Variants in CERS3 observed in about 807,000 individuals in gnomAD.
CERS3 encodes the protein LAG1 homolog, ceramide synthase 3.
A neutral mutation model predicts 50.3 loss-of-function variants in CERS3; 33 were observed. That is an observed-to-expected ratio of 0.66 (90% CI 0.50 to 0.88). The LOEUF (loss-of-function observed/expected upper bound fraction) is 0.88. Among genes scored for constraint, CERS3 ranks in the 40% least tolerant of loss-of-function variants. The pLI, the probability that CERS3 is intolerant of heterozygous loss-of-function variation, is 0.00. For synonymous variants in CERS3, 176 were observed against 155.2 expected, an observed-to-expected ratio of 1.13 and a Z score of -0.99; for missense variants, 470 against 460.3, an observed-to-expected ratio of 1.02 and a Z score of -0.19.
intron 9 of CERS3, 135 bp from the exon 10 acceptor site, chr15:100,469,619 G>A: frequency 1.6e-6 from 1 of 620,066 alleles, no homozygotes; most frequent in South Asian, 2.1e-5. Context: ...TACAGGTGGG[G>A]CAATAGATAA....
intron 2 of CERS3, among the ~76,000 whole-genome samples, chr15:100,515,308 T>C (rs956225569): frequency 6.6e-6 from 1 of 152,204 alleles, no homozygotes; most frequent in Admixed American, 6.5e-5. Flanking sequence ...AAATACAAAG[T>C]GTACTCCCTT....
rs1023979736 is a variant in CERS3 at position 100,484,575 on chromosome 15, T to C, written c.382A>G (p.Arg128Gly). The change falls in exon 5 of 12, where the codon AGG becomes GGG. Residue 128 changes from arginine to glycine, a missense_variant. By Grantham distance (125) the Arg-to-Gly change is moderately radical (BLOSUM62 -2). Transcript: ENST00000679737. ...CAAGCTTCCTGGAATTTCTTCAGCC[T>C]GGAAGGCCTCTCTTGATTCCGCCGA... The part of the protein sequence containing the change: ...RSRRNQERPS[R>G]LKKFQEACWR... 6.2e-7 allele frequency: 1 copy of C among 1,613,750 alleles called. No homozygotes were observed. Among genetic ancestry groups the C allele is most frequent in the Non-Finnish European group, 8.5e-7 (1 of 1,179,628 alleles).
intron 2 of CERS3, among the ~76,000 whole-genome samples, chr15:100,506,962 A>T (rs200298850): frequency 6.6e-6 from 1 of 152,210 alleles, no homozygotes; most frequent in Non-Finnish European, 1.5e-5. Context: ...CCAAAAAAAT[A>T]AAAAAGTTAA....
chr15:100,402,700 T>C lies in CERS3; in HGVS notation c.*13A>G. 1.9e-6 allele frequency: 3 copies of C among 1,613,266 alleles called. No homozygotes were observed. Among genetic ancestry groups the C allele is most frequent in the Non-Finnish European group, 1.7e-6 (2 of 1,179,802 alleles). On this transcript the variant is annotated 3_prime_UTR_variant, in exon 12 of 12. Transcript: ENST00000679737. ...GCAGCATGCTGTGCCATGGGAGTCCTGTAGGCTTCCAGCTAATGGCCATGC... is the reference window on the plus strand; with the variant it reads ...GCAGCATGCTGTGCCATGGGAGTCCCGTAGGCTTCCAGCTAATGGCCATGC...
At chr15:100,521,483 A>G (rs1458000483) in intron 2 of CERS3, among the ~76,000 whole-genome samples, 184 bp downstream of exon 2, 1 of 152,216 alleles carries the variant, frequency 6.6e-6, no homozygotes, top group Non-Finnish European at 1.5e-5. Flanking sequence ...TCAAAAGGAA[A>G]GAATACAAAT....
At chr15:100,520,697 A>G (rs147610226) in intron 2 of CERS3, among the ~76,000 whole-genome samples, 71 of 152,332 alleles carry the variant, frequency 4.7e-4, no homozygotes, top group African/African-American at 1.5e-3. Flanking sequence ...TAAGGTGTAG[A>G]AAATGACAGG....
At chr15:100,418,103 G>A (rs1241685666) in intron 11 of CERS3, among the ~76,000 whole-genome samples, 1 of 151,012 alleles carries the variant, frequency 6.6e-6, no homozygotes, top group Middle Eastern at 3.4e-3. Flanking sequence ...CGAGCTGAGA[G>A]AAGAAGGCTT....
At chr15:100,488,988 G>A (rs184149564) in intron 4 of CERS3, among the ~76,000 whole-genome samples, 17 of 152,182 alleles carry the variant, frequency 1.1e-4, no homozygotes, top group African/African-American at 4.1e-4. Context: ...TGTTGGCCAG[G>A]ATGGTCTCGA....
At position 100,502,012 on chromosome 15, in the gene CERS3, C is replaced by A. The variant is rs1454538727; in HGVS notation, c.-1-162G>T. Among the ~76,000 whole-genome samples the A allele has an allele frequency of 6.6e-6, 1 of 151,770 alleles. No individual in the cohort carries two copies. The highest frequency in any genetic ancestry group is 1.5e-5 in the Non-Finnish European group (1 of 67,962). On this transcript the variant is annotated intron_variant, in intron 2 of 11. Transcript: ENST00000679737. Reference sequence around the variant, plus strand: ...CTGCAATATCAGCACTTTGGGAGACCAAGGCGGGCGGATCATGAGGTCAAG... The same window carrying A: ...CTGCAATATCAGCACTTTGGGAGACAAAGGCGGGCGGATCATGAGGTCAAG...
chr15:100,475,461 C>T (rs1567646084), intron 8 of CERS3, among the ~76,000 whole-genome samples: 1 of 152,210 alleles, frequency 6.6e-6, no homozygotes, highest in Non-Finnish European at 1.5e-5. Flanking sequence ...GAATTGCTTA[C>T]ATATACGACA....
At chr15:100,422,749 G>A (rs1349565521) in intron 11 of CERS3, among the ~76,000 whole-genome samples, 6 of 124,408 alleles carry the variant, frequency 4.8e-5, no homozygotes, top group Admixed American at 1.7e-4. Context: ...GGAATACTAT[G>A]CAGCCATAAA....
chr15:100,466,812 C>CCTCTCTCCCTCTCTCCCTCT (rs1393821849), intron 10 of CERS3, among the ~76,000 whole-genome samples: 1 of 16,208 alleles, frequency 6.2e-5, no homozygotes, highest in African/African-American at 1.3e-4. Flanking sequence ...TCCCTCCCTC[C>CCTCTCTCCCTCTCTCCCTCT]CTCCCTCTCT....
intron 1 of CERS3, among the ~76,000 whole-genome samples, chr15:100,539,074 G>A (rs1223735352): frequency 6.6e-6 from 1 of 152,170 alleles, no homozygotes; most frequent in African/African-American, 2.4e-5. Context: ...AATGCCACCA[G>A]CCTCTTTGCC....
At chr15:100,495,637 T>C (rs551802198) in intron 3 of CERS3, among the ~76,000 whole-genome samples, 71 of 152,320 alleles carry the variant, frequency 4.7e-4, no homozygotes, top group African/African-American at 1.6e-3. Context: ...AGTTATTTCT[T>C]TTTATTATTG....
intron 9 of CERS3, among the ~76,000 whole-genome samples, chr15:100,470,792 T>C (rs1476818638): frequency 6.6e-6 from 1 of 152,146 alleles, no homozygotes; most frequent in African/African-American, 2.4e-5. Context: ...GGAAGATGAA[T>C]GAAGAAGTCA....
At chr15:100,541,264 G>A (rs2037195833) in intron 1 of CERS3, among the ~76,000 whole-genome samples, 1 of 152,210 alleles carries the variant, frequency 6.6e-6, no homozygotes, top group Non-Finnish European at 1.5e-5. Flanking sequence ...CTGAGGTTGG[G>A]AGTTTGAGAC....
At chr15:100,531,987 G>A (rs1484202642), upstream of CERS3, among the ~76,000 whole-genome samples, 1 of 152,088 alleles carries the variant, frequency 6.6e-6, no homozygotes, top group Non-Finnish European at 1.5e-5. Flanking sequence ...CTAGTAAATT[G>A]GGAAGGAGAG....
At chr15:100,440,518 G>T (rs764500505) in intron 11 of CERS3, among the ~76,000 whole-genome samples, 32 of 152,096 alleles carry the variant, frequency 2.1e-4, no homozygotes, top group Admixed American at 2.0e-3. Flanking sequence ...CTCTCTATTC[G>T]GACTCAGCCT....
rs2030472775 is a variant in CERS3, at chr15:100,400,938, T to C, written c.*1775A>G. The C allele has an allele frequency of 6.6e-6, 1 of 152,188 alleles. No homozygotes were observed. Among genetic ancestry groups the C allele is most frequent in the African/African-American group, 2.4e-5 (1 of 41,444 alleles). 9.4% of individuals were successfully genotyped at this position (152,188 alleles called of 1,614,324 possible). Reference sequence around the variant, plus strand: ...ATTGTCCTCATAAAAGCAAATGTTATACAGAGAAAATCTGACCTTGTTTGT... The same window carrying C: ...ATTGTCCTCATAAAAGCAAATGTTACACAGAGAAAATCTGACCTTGTTTGT... On this transcript the variant is annotated 3_prime_UTR_variant, in exon 12 of 12. Coordinates refer to ENST00000679737, the MANE Select transcript of CERS3 (RefSeq NM_001378789.1).
Sources: gnomAD v4.1 joint callset for allele counts (sites outside exome capture counted in the v4.1 genomes callset) on GRCh38, gnomAD v4.1.1 for gene constraint, MANE v1.5 for transcripts, NCBI Gene and HGNC (gene_info 2026-07-23, HGNC 2026-07-21) for gene names.